Variants in TMEM117 observed in about 807,000 individuals in gnomAD.
TMEM117 encodes the protein transmembrane protein 117.
TMEM117 carries 27 observed loss-of-function variants against 52.4 expected under a neutral mutation model. That is an observed-to-expected ratio of 0.51 (90% CI 0.38 to 0.71). The LOEUF is 0.71. Among genes scored for constraint, TMEM117 ranks in the 30% least tolerant of loss-of-function variants. The pLI is 0.00. For synonymous variants in TMEM117, 215 were observed against 206.3 expected (o/e 1.04, Z -0.36); for missense variants, 556 against 630.5 (o/e 0.88, Z 1.26).
At chr12:44,320,117 T>C (rs1019470277) in intron 6 of TMEM117, among the ~76,000 whole-genome samples, 1 of 152,230 alleles carries the variant, frequency 6.6e-6, no homozygotes, top group Non-Finnish European at 1.5e-5. Flanking sequence ...TGGTTCATCA[T>C]GTCTAAAACC....
At chr12:43,800,348 T>G in the TMEM117 span, 1 of 881,560 alleles carries the variant, frequency 1.1e-6, no homozygotes, top group Non-Finnish European at 1.8e-6. Context: ...ATTATCCATC[T>G]GAATTCGTAT....
chr12:44,160,920 C>T (rs893985963), intron 4 of TMEM117, among the ~76,000 whole-genome samples: 4 of 152,092 alleles, frequency 2.6e-5, no homozygotes, highest in African/African-American at 9.7e-5. Flanking sequence ...TGTGCTAAAG[C>T]CTGTTCTAAA....
chr12:44,152,674 T>TTA (rs956411391), intron 4 of TMEM117, among the ~76,000 whole-genome samples: 2 of 133,516 alleles, frequency 1.5e-5, no homozygotes, highest in Non-Finnish European at 3.1e-5. Context: ...TATATAATTT[T>TTA]TATATATATA....
intron 6 of TMEM117, among the ~76,000 whole-genome samples, chr12:44,355,610 G>A (rs1464196721): frequency 6.6e-6 from 1 of 151,984 alleles, no homozygotes; most frequent in Non-Finnish European, 1.5e-5. Flanking sequence ...GAGAGTAGAA[G>A]GAACCAAACC....
intron 1 of TMEM117, among the ~76,000 whole-genome samples, chr12:43,837,386 C>T (rs113156379): frequency 6.6e-6 from 1 of 152,182 alleles, no homozygotes; most frequent in African/African-American, 2.4e-5. Context: ...GGCTCTGTCG[C>T]TCAGGCTGGA....
chr12:43,838,965 T>C (rs989399521), intron 1 of TMEM117, among the ~76,000 whole-genome samples: 4 of 152,104 alleles, frequency 2.6e-5, no homozygotes, highest in African/African-American at 9.7e-5. Context: ...ATCTACTGCA[T>C]CCCTCTTCAT....
At chr12:44,352,393 T>G (rs1012799522) in intron 6 of TMEM117, among the ~76,000 whole-genome samples, 7 of 152,050 alleles carry the variant, frequency 4.6e-5, no homozygotes, top group African/African-American at 1.7e-4. Flanking sequence ...GTGCTGCACC[T>G]ATTAACTCAT....
rs191108909 is a variant in TMEM117 at position 44,275,897 on chromosome 12, G to A, written c.609-23683G>A. Among the ~76,000 whole-genome samples the A allele has an allele frequency of 7.6e-4, 116 of 152,112 alleles. 1 individual carries two copies. In the East Asian group the frequency reaches 0.016, roughly 22 times the overall value. On this transcript the variant is annotated intron_variant, in intron 5 of 7. Transcript: ENST00000266534. ...ACCTACTATTTTATAGCACAAAAGGGTAACTATAGTCAACAATAAGTGTAT... is the reference window on the plus strand; with the variant it reads ...ACCTACTATTTTATAGCACAAAAGGATAACTATAGTCAACAATAAGTGTAT...
chr12:44,230,760 T>C (rs752404589), intron 5 of TMEM117, among the ~76,000 whole-genome samples: 1 of 151,990 alleles, frequency 6.6e-6, no homozygotes, highest in African/African-American at 2.4e-5. Flanking sequence ...TTCTTGGGCC[T>C]TTAGCTTCAT....
intron 7 of TMEM117, among the ~76,000 whole-genome samples, chr12:44,381,974 A>T (rs1952027448): frequency 6.6e-6 from 1 of 152,204 alleles, no homozygotes; most frequent in South Asian, 2.1e-4. Context: ...GTCCCCGAAG[A>T]TCATGAATTT....
At chr12:44,001,768 G>A (rs1946120482) in intron 3 of TMEM117, among the ~76,000 whole-genome samples, 1 of 152,064 alleles carries the variant, frequency 6.6e-6, no homozygotes, top group Non-Finnish European at 1.5e-5. Context: ...GGACTTCAAG[G>A]GTATGGGAAC....
chr12:44,193,184 T>C (rs1379517112), intron 4 of TMEM117, among the ~76,000 whole-genome samples: 1 of 152,192 alleles, frequency 6.6e-6, no homozygotes, highest in East Asian at 1.9e-4. Context: ...TCTACAGTGC[T>C]AAAATGAGGG....
chr12:44,056,943 A>G (rs1399571575), intron 3 of TMEM117, among the ~76,000 whole-genome samples: 1 of 152,124 alleles, frequency 6.6e-6, no homozygotes, highest in Non-Finnish European at 1.5e-5. Context: ...ATATGTAGGG[A>G]AAAGAAATGA....
At chr12:43,958,951 C>T (rs1217169697) in intron 3 of TMEM117, among the ~76,000 whole-genome samples, 3 of 152,036 alleles carry the variant, frequency 2.0e-5, no homozygotes, top group African/African-American at 4.8e-5. Flanking sequence ...GGACTGCAGG[C>T]GCCCACCACC....
intron 3 of TMEM117, among the ~76,000 whole-genome samples, chr12:44,054,656 G>A (rs1947023663): frequency 6.6e-6 from 1 of 151,222 alleles, no homozygotes; most frequent in African/African-American, 2.4e-5. Context: ...TATTTGTTAG[G>A]TTGTATGTGA....
intron 3 of TMEM117, among the ~76,000 whole-genome samples, chr12:44,041,062 A>C (rs1350577001): frequency 6.6e-6 from 1 of 152,232 alleles, no homozygotes; most frequent in Non-Finnish European, 1.5e-5. Flanking sequence ...GCAAAAGTAC[A>C]GAACACTCCA....
chr12:44,142,052 C>G (rs1401914374), intron 3 of TMEM117, among the ~76,000 whole-genome samples: 1 of 152,132 alleles, frequency 6.6e-6, no homozygotes, highest in Non-Finnish European at 1.5e-5. Context: ...GTGAGTCAAT[C>G]AAGTTTAAAT....
chr12:44,018,760 G>A (rs1946410545), intron 3 of TMEM117, among the ~76,000 whole-genome samples: 1 of 142,934 alleles, frequency 7.0e-6, no homozygotes, highest in African/African-American at 2.6e-5. Context: ...TTGCTCTGTC[G>A]CCAGTCTGGA....
At chr12:43,954,337 C>A (rs1945273030) in intron 3 of TMEM117, among the ~76,000 whole-genome samples, 1 of 151,760 alleles carries the variant, frequency 6.6e-6, no homozygotes, top group African/African-American at 2.4e-5. Flanking sequence ...ATATGAAAAA[C>A]CCTTCAAAAA....
Sources: gnomAD v4.1 joint callset for allele counts (sites outside exome capture counted in the v4.1 genomes callset) on GRCh38, gnomAD v4.1.1 for gene constraint, MANE v1.5 for transcripts, NCBI Gene and HGNC (gene_info 2026-07-23, HGNC 2026-07-21) for gene names.